PALD1: variants seen among roughly 807,000 people sequenced by gnomAD.
PALD1 encodes phosphatase domain containing paladin 1.
Under a neutral mutation model 96.0 loss-of-function variants are expected in PALD1, and 57 were observed. The ratio of observed to expected loss-of-function variants is 0.59; its 90% CI spans 0.48 to 0.74. The LOEUF (loss-of-function observed/expected upper bound fraction) is 0.74. PALD1 is among the 30% of genes least tolerant of loss of function. The pLI is 0.00. For missense variants in PALD1, 1,063 were observed against 1,143.7 expected, an observed-to-expected ratio of 0.93 and a Z score of 1.02; for synonymous variants, 464 against 473.6, an observed-to-expected ratio of 0.98 and a Z score of 0.26.
intron 17 of PALD1, among the ~76,000 whole-genome samples, chr10:70,547,056 C>T (rs992537540): frequency 6.6e-6 from 1 of 152,188 alleles, no homozygotes; most frequent in Non-Finnish European, 1.5e-5. Flanking sequence ...TGTCTGTGTA[C>T]TGATCCTCAA....
rs1440191497 is a variant in PALD1 at position 70,567,969 on chromosome 10, CT to C, written c.*1239del. On this transcript the variant is annotated 3_prime_UTR_variant, in exon 20 of 20. Transcript: ENST00000263563. ...GCTCACTGGGACCAGGAAAGCCTGT[CT>C]TTGGTTAGGCTCGTGTACTTCTGCA... The C allele has an allele frequency of 2.0e-5, 3 of 149,696 alleles. No individual in the cohort carries two copies. In the East Asian group the frequency reaches 5.9e-4, roughly 29 times the overall value. 9.3% of individuals were successfully genotyped at this position (149,696 alleles called of 1,614,324 possible).
intron 1 of PALD1, among the ~76,000 whole-genome samples, chr10:70,497,794 C>T (rs1462318977): frequency 6.6e-6 from 1 of 152,116 alleles, no homozygotes; most frequent in South Asian, 2.1e-4. Flanking sequence ...CCAGGATGGT[C>T]TTGATCTCCT....
intron 1 of PALD1, among the ~76,000 whole-genome samples, chr10:70,494,132 C>T (rs528037815): frequency 3.3e-5 from 5 of 152,330 alleles, no homozygotes; most frequent in South Asian, 2.1e-4. Context: ...ACTAGCCCTG[C>T]GACCGGAGGT....
chr10:70,531,650 TGCCCC>T (rs1846994380), intron 5 of PALD1, among the ~76,000 whole-genome samples, 196 bp downstream of exon 5: 1 of 152,164 alleles, frequency 6.6e-6, no homozygotes, highest in South Asian at 2.1e-4. Flanking sequence ...TCTTTGCCTC[TGCCCC>T]TTTCCCACCC....
chr10:70,563,514 C>T (rs1173838607), intron 18 of PALD1, among the ~76,000 whole-genome samples: 2 of 152,226 alleles, frequency 1.3e-5, no homozygotes, highest in Non-Finnish European at 2.9e-5. Flanking sequence ...ATCGATGCCC[C>T]ACAGCCTCCC....
chr10:70,546,499 G>T (rs1255016220), intron 17 of PALD1, among the ~76,000 whole-genome samples: 2 of 152,108 alleles, frequency 1.3e-5, no homozygotes, highest in African/African-American at 2.4e-5. Context: ...GATGTCTTTG[G>T]CTGTGGCAGT....
At position 70,540,825 on chromosome 10, in the gene PALD1, G is replaced by A. The variant is rs946675933; in HGVS notation, c.1909-277G>A. 6.6e-6 allele frequency among the ~76,000 whole-genome samples: 1 copy of A among 152,196 alleles called. No homozygotes were observed. Among genetic ancestry groups the A allele is most frequent in the South Asian group, 2.1e-4 (1 of 4,834 alleles). On this transcript the variant is annotated intron_variant, in intron 15 of 19. Coordinates refer to ENST00000263563, the MANE Select transcript of PALD1 (RefSeq NM_014431.3). The surrounding 1 kb of genome is among the most constrained non-coding windows in gnomAD (Gnocchi z 4.2). ...ATACAGGTGCATGTCCTGCCTGATG[G>A]AGGGTGGGTACCTTGAGCCCCAGGT...
intron 18 of PALD1, among the ~76,000 whole-genome samples, chr10:70,556,402 A>G (rs973823285): frequency 6.6e-6 from 1 of 151,538 alleles, no homozygotes; most frequent in Non-Finnish European, 1.5e-5. Flanking sequence ...TGTAGCCTCA[A>G]CCTCCTAGGT....
chr10:70,464,406 G>A, the PALD1 span, among the ~76,000 whole-genome samples: 3 of 151,812 alleles, frequency 2.0e-5, no homozygotes, highest in Non-Finnish European at 4.4e-5. Flanking sequence ...TTGAGATGGG[G>A]TTTCACCATG....
chr10:70,509,704 G>A (rs1014596428), intron 1 of PALD1, among the ~76,000 whole-genome samples: 1 of 152,204 alleles, frequency 6.6e-6, no homozygotes, highest in Non-Finnish European at 1.5e-5. Flanking sequence ...GTGAGGGCAG[G>A]GAAGGGCCTT....
Position 70,537,904 on chromosome 10 carries a change from CA to C in PALD1, c.1322del (p.Gln441ArgfsTer25). The C allele has an allele frequency of 6.2e-7, 1 of 1,604,500 alleles. No homozygotes were observed. Among genetic ancestry groups the C allele is most frequent in the Non-Finnish European group, 8.5e-7 (1 of 1,171,404 alleles). On this transcript the variant is annotated frameshift_variant and splice_region_variant, in exon 11 of 20. Transcript: ENST00000263563. LOFTEE classifies it high-confidence loss of function. Reference sequence around the variant, plus strand: ...CCTGTTTAACTACTACCTTCATGAGCAGGTGGGGCCTGGGAGGAGCAGACCC... The same window carrying C: ...CCTGTTTAACTACTACCTTCATGAGCGGTGGGGCCTGGGAGGAGCAGACCC... ...LILFNYYLHE[Q>X]YPLAFALSFS...
intron 1 of PALD1, among the ~76,000 whole-genome samples, chr10:70,523,320 G>T (rs1324652555): frequency 6.6e-6 from 1 of 152,210 alleles, no homozygotes; most frequent in African/African-American, 2.4e-5. Flanking sequence ...TTGGCCTGAA[G>T]CTGTGGCCAG....
intron 18 of PALD1, among the ~76,000 whole-genome samples, chr10:70,562,560 A>C (rs1481506840): frequency 2.0e-5 from 3 of 152,186 alleles, no homozygotes; most frequent in African/African-American, 4.8e-5. Context: ...TGAGGAGAGC[A>C]GCCCTTTCCG....
chr10:70,555,577 C>T (rs10999390), intron 18 of PALD1, among the ~76,000 whole-genome samples: 80,673 of 152,066 alleles, frequency 0.53, 22,299 homozygotes, highest in Middle Eastern at 0.7. Flanking sequence ...GTTGGTCCTG[C>T]GACCAAAGGA....
chr10:70,536,384 C>T (rs1847116270), intron 10 of PALD1, among the ~76,000 whole-genome samples: 1 of 152,156 alleles, frequency 6.6e-6, no homozygotes, highest in African/African-American at 2.4e-5. Context: ...GAATGTCACC[C>T]CTGCTGTGAT....
rs1446488566 is a variant in PALD1 at position 70,529,229 on chromosome 10, G to A, written c.186G>A (p.Thr62=). The A allele has an allele frequency of 5.7e-6, 2 of 352,100 alleles. No homozygotes were observed. The highest frequency in any genetic ancestry group is 9.9e-6 in the Non-Finnish European group (2 of 201,812). The allele number at this position is 352,100 out of a possible 1,614,324, so 21.8% of individuals were successfully genotyped here. A position where few individuals can be genotyped will look rare whatever the true frequency, so the allele number is the denominator to read the frequency against. Residue 62 remains threonine, a splice_region_variant and synonymous_variant, in exon 3 of 20, where the codon ACG becomes ACA. Coordinates refer to ENST00000263563, the MANE Select transcript of PALD1 (RefSeq NM_014431.3). ...IPNKVAPVVI[T]YNCKEEFQIH... ...TTCTGCCCCCCCCCCCCCCCCCCAG[G>A]TACAACTGCAAGGAGGAGTTCCAGA...
chr10:70,524,911 C>T (rs932880013), intron 1 of PALD1, among the ~76,000 whole-genome samples: 1 of 152,204 alleles, frequency 6.6e-6, no homozygotes, highest in African/African-American at 2.4e-5. Context: ...GGGAGCCTTG[C>T]AGGAGGACTG....
chr10:70,477,361 A>T (rs1457819310), upstream of PALD1, among the ~76,000 whole-genome samples: 2 of 152,244 alleles, frequency 1.3e-5, no homozygotes, highest in Non-Finnish European at 2.9e-5. Flanking sequence ...CTGAGAACTT[A>T]CGTCACTTTT....
At chr10:70,521,383 A>G (rs1196023272) in intron 1 of PALD1, among the ~76,000 whole-genome samples, 1 of 152,094 alleles carries the variant, frequency 6.6e-6, no homozygotes, top group African/African-American at 2.4e-5. Flanking sequence ...TCATCCTTAT[A>G]GGGTTCTGGG....
Sources: gnomAD v4.1 joint callset for allele counts (sites outside exome capture counted in the v4.1 genomes callset) on GRCh38, gnomAD v4.1.1 for gene constraint, Gnocchi (gnomAD v3.1) non-coding constraint, MANE v1.5 for transcripts, NCBI Gene and HGNC (gene_info 2026-07-23, HGNC 2026-07-21) for gene names.